The following ADAMTS9 variants were observed in gnomAD, a reference collection of about 807,000 sequenced individuals.
ADAMTS9 encodes ADAM metallopeptidase with thrombospondin type 1 motif 9.
In ADAMTS9, 107 loss-of-function variants were observed where a neutral mutation model predicts 257.1. The ratio of observed to expected loss-of-function variants is 0.42; its 90% confidence interval spans 0.36 to 0.49. The LOEUF (loss-of-function observed/expected upper bound fraction) is 0.49. Ranked by LOEUF, ADAMTS9 falls within the 20% of genes least tolerant of loss-of-function variation. The probability of loss-of-function intolerance (pLI) is 0.03; values close to 1 mark genes in which losing one functional copy is unlikely to be tolerated. For synonymous variants in ADAMTS9, 982 were observed against 880.9 expected, an observed-to-expected ratio of 1.11 and a Z score of -2.03; for missense variants, 2,353 against 2,469.1, an observed-to-expected ratio of 0.95 and a Z score of 1.00.
chr3:64,541,664 A>T, intron 33 of ADAMTS9, 44 bp from the exon 34 acceptor site: 2 of 1,568,102 alleles, frequency 1.3e-6, no homozygotes, highest in Non-Finnish European at 1.8e-6. Flanking sequence ...ATGATCCGAG[A>T]TGTGAATTAT....
chr3:64,590,742 A>T (rs1481112153), intron 28 of ADAMTS9, among the ~76,000 whole-genome samples: 1 of 152,164 alleles, frequency 6.6e-6, no homozygotes, highest in Non-Finnish European at 1.5e-5. Context: ...TGAGCTCATA[A>T]ATTCTCATTA....
At chr3:64,575,882 G>T (rs1157578650) in intron 28 of ADAMTS9, among the ~76,000 whole-genome samples, 1 of 152,092 alleles carries the variant, frequency 6.6e-6, no homozygotes, top group Admixed American at 6.5e-5. Flanking sequence ...CTATTCAGTG[G>T]ACCCTTTTAG....
At chr3:64,547,849 TTAGC>T (rs2083222644) in intron 31 of ADAMTS9, among the ~76,000 whole-genome samples, 1 of 150,950 alleles carries the variant, frequency 6.6e-6, no homozygotes, top group Non-Finnish European at 1.5e-5. Flanking sequence ...TTCAACCTCC[TTAGC>T]TAAGTTTTTT....
chr3:64,660,902 G>A (rs1317320935), intron 3 of ADAMTS9, among the ~76,000 whole-genome samples: 1 of 152,166 alleles, frequency 6.6e-6, no homozygotes, highest in East Asian at 1.9e-4. Context: ...AGAATGAAAA[G>A]AAGCTGGTGC....
intron 11 of ADAMTS9, among the ~76,000 whole-genome samples, chr3:64,643,355 T>TA (rs1488275321): frequency 1.3e-5 from 2 of 150,808 alleles, no homozygotes; most frequent in South Asian, 4.2e-4. Flanking sequence ...AAAAAACTAA[T>TA]AAAAAACTTA....
intron 9 of ADAMTS9, 200 bp downstream of exon 9, chr3:64,650,817 G>A (rs1308325400): frequency 7.5e-6 from 4 of 530,100 alleles, no homozygotes; most frequent in East Asian, 3.7e-5. Context: ...AGCTCAGTCT[G>A]TAATCTTCTA....
chr3:64,521,287 T>C (rs563505496), intron 39 of ADAMTS9, among the ~76,000 whole-genome samples: 2 of 152,114 alleles, frequency 1.3e-5, no homozygotes, highest in East Asian at 1.9e-4. Context: ...TCTTAAAAAG[T>C]AAAAAGATAA....
Position 64,522,166 on chromosome 3 carries a change from C to T in ADAMTS9, c.*5G>A. 6.2e-7 allele frequency: 1 copy of T among 1,613,452 alleles called. No homozygotes were observed. ...GACAGACAGACATAGGACTACTTAC[C>T]TTAGCTATAAAACTCGCACCTCCAG... On this transcript the variant is annotated splice_region_variant and 3_prime_UTR_variant, in exon 39 of 40. Transcript: ENST00000498707.
chr3:64,639,189 A>G (rs1221059832), intron 12 of ADAMTS9, among the ~76,000 whole-genome samples: 3 of 151,708 alleles, frequency 2.0e-5, no homozygotes, highest in Admixed American at 2.0e-4. Context: ...CTCCGTATTC[A>G]GAGGCAGTCT....
At chr3:64,648,709 A>C (rs879114170) in intron 10 of ADAMTS9, among the ~76,000 whole-genome samples, 1 of 152,166 alleles carries the variant, frequency 6.6e-6, no homozygotes, top group Admixed American at 6.5e-5. Flanking sequence ...TTGAGATCAT[A>C]CTTCATAAAA....
chr3:64,622,379 A>T, intron 17 of ADAMTS9, 41 bp downstream of exon 17: 1 of 1,612,924 alleles, frequency 6.2e-7, no homozygotes. Context: ...AGTAATGCCA[A>T]GCAGAAGAAA....
chr3:64,608,257 C>CCAAAAAAAAAAAAAAAAAAAAAAAAA (rs2084596316), intron 22 of ADAMTS9, among the ~76,000 whole-genome samples: 1 of 71,162 alleles, frequency 1.4e-5, no homozygotes, highest in African/African-American at 8.8e-5. Flanking sequence ...CAAACTAAAA[C>CCAAAAAAAAAAAAAAAAAAAAAAAAA]CAAAAAAAAA....
intron 12 of ADAMTS9, among the ~76,000 whole-genome samples, chr3:64,639,869 G>A (rs1020635966): frequency 6.6e-6 from 1 of 152,232 alleles, no homozygotes. Context: ...TTTATATTAT[G>A]TGGTACTTAT....
At chr3:64,624,333 G>A (rs1700177944) in intron 16 of ADAMTS9, among the ~76,000 whole-genome samples, 1 of 151,994 alleles carries the variant, frequency 6.6e-6, no homozygotes, top group Non-Finnish European at 1.5e-5. Flanking sequence ...AAAACAAAAG[G>A]AAATGGTAAC....
At chr3:64,527,978 C>G (rs540301590) in intron 38 of ADAMTS9, among the ~76,000 whole-genome samples, 1 of 152,288 alleles carries the variant, frequency 6.6e-6, no homozygotes, top group African/African-American at 2.4e-5. Context: ...GGAACTGAAT[C>G]CATCTCTTCT....
intron 26 of ADAMTS9, among the ~76,000 whole-genome samples, chr3:64,597,407 G>A (rs981976306): frequency 7.2e-5 from 11 of 152,062 alleles, no homozygotes; most frequent in Non-Finnish European, 1.6e-4. Context: ...TCCTTTCAAC[G>A]CGGAGGTCAA....
At chr3:64,655,009 G>A (rs2106958010) in intron 6 of ADAMTS9, among the ~76,000 whole-genome samples, 1 of 152,300 alleles carries the variant, frequency 6.6e-6, no homozygotes, top group African/African-American at 2.4e-5. Flanking sequence ...ATGGCAGGAG[G>A]TGGGAGGCAC....
intron 4 of ADAMTS9, 119 bp downstream of exon 4, chr3:64,658,383 A>G (rs1325881429): frequency 9.6e-7 from 1 of 1,046,592 alleles, no homozygotes; most frequent in East Asian, 2.5e-5. Flanking sequence ...CTCTTCAGTC[A>G]CTTGCCTGAA....
At position 64,613,409 on chromosome 3, in the gene ADAMTS9, G is replaced by A; in HGVS notation, c.3290C>T (p.Pro1097Leu). The change falls in exon 22 of 40, where the codon CCA becomes CTA. Residue 1097 changes from proline to leucine, a missense_variant. Pro to Leu is a moderately conservative substitution (Grantham distance 98, BLOSUM62 -3). Transcript: ENST00000498707. ...NDRMCDPETK[P>L]TSMQTCQQPE... is the part of the protein sequence containing the mutation. The stretch of plus-strand genomic sequence containing the variant: ...CTGCTGACAAGTCTGCATAGATGTT[G>A]GCTTGGTCTCAGGGTCACACATTCT... The A allele has an allele frequency of 3.1e-6, 5 of 1,614,018 alleles. No individual in the cohort carries two copies. The highest frequency in any genetic ancestry group is 4.2e-6 in the Non-Finnish European group (5 of 1,179,924).
Sources: allele counts gnomAD v4.1 joint callset (sites outside exome capture counted in the v4.1 genomes callset), GRCh38; gene constraint gnomAD v4.1.1; transcripts MANE v1.5; gene names NCBI Gene and HGNC (gene_info 2026-07-23, HGNC 2026-07-21).